CDC42BPB: variants seen among roughly 807,000 people sequenced by gnomAD.
The protein encoded by CDC42BPB is serine/threonine-protein kinase MRCK beta.
Under a neutral mutation model 214.9 loss-of-function variants are expected in CDC42BPB, and 37 were observed. The ratio of observed to expected loss-of-function variants is 0.17; its 90% confidence interval spans 0.13 to 0.23. The LOEUF (loss-of-function observed/expected upper bound fraction) is 0.23. Among genes scored for constraint, CDC42BPB ranks in the 10% least tolerant of loss-of-function variants. CDC42BPB has a pLI of 1.00. For missense variants in CDC42BPB, 1,694 were observed against 2,227.0 expected (o/e 0.76, Z 4.82); for synonymous variants, 931 against 884.0 (o/e 1.05, Z -0.94).
intron 4 of CDC42BPB, among the ~76,000 whole-genome samples, chr14:103,000,760 C>G (rs1894940990): frequency 6.6e-6 from 1 of 152,212 alleles, no homozygotes; most frequent in South Asian, 2.1e-4. Flanking sequence ...ACCATGAAGG[C>G]CCACGCTCGG....
chr14:103,045,420 G>A (rs1340659901), intron 1 of CDC42BPB, among the ~76,000 whole-genome samples: 1 of 152,138 alleles, frequency 6.6e-6, no homozygotes, highest in Admixed American at 6.5e-5. Flanking sequence ...GCTGTGAACA[G>A]CCCCACATCA....
chr14:102,945,773 A>G, intron 28 of CDC42BPB, 49 bp from the exon 29 acceptor site: 2 of 1,556,108 alleles, frequency 1.3e-6, no homozygotes. Context: ...CCGACCGTGA[A>G]CAATATGGGT....
At chr14:103,023,909 C>G (rs924019489) in intron 1 of CDC42BPB, among the ~76,000 whole-genome samples, 2 of 152,170 alleles carry the variant, frequency 1.3e-5, no homozygotes, top group African/African-American at 4.8e-5. Context: ...AATCTAGTCC[C>G]AGAGGGAGCC....
Position 102,940,272 on chromosome 14 carries a change from A to G in CDC42BPB, c.4461T>C (p.Phe1487=), listed in dbSNP as rs1891832681. Residue 1487 remains phenylalanine, a synonymous_variant, in exon 31 of 37, where the codon TTT becomes TTC. Transcript: ENST00000361246. The part of the protein sequence containing the change: ...TVYSEYGVDV[F]DVRTMEWVQT... ...GCACCCACTCCATGGTGCGCACATC[A>G]AAGACGTCCACGCCATACTCGCTGT... The G allele has an allele frequency of 6.3e-7, 1 of 1,595,618 alleles. No individual in the cohort carries two copies. The highest frequency in any genetic ancestry group is 1.1e-5 in the South Asian group (1 of 88,724).
intron 8 of CDC42BPB, among the ~76,000 whole-genome samples, chr14:102,980,008 C>T (rs760037756): frequency 2.0e-4 from 31 of 152,148 alleles, no homozygotes; most frequent in Admixed American, 3.3e-4. Flanking sequence ...AGACACAAAG[C>T]GCTGTAATGT....
chr14:103,002,965 G>C (rs1228860488), intron 4 of CDC42BPB, among the ~76,000 whole-genome samples: 1 of 152,154 alleles, frequency 6.6e-6, no homozygotes, highest in South Asian at 2.1e-4. Context: ...CCTTTAGGGT[G>C]AATGGAAGGA....
intron 7 of CDC42BPB, among the ~76,000 whole-genome samples, chr14:102,983,296 CCT>C (rs1307025906): frequency 2.6e-5 from 4 of 152,142 alleles, no homozygotes; most frequent in African/African-American, 7.2e-5. Flanking sequence ...GCGTCCTTCC[CCT>C]GAGAGTGGGG....
At chr14:103,038,294 C>A (rs1332144616) in intron 1 of CDC42BPB, among the ~76,000 whole-genome samples, 1 of 148,354 alleles carries the variant, frequency 6.7e-6, no homozygotes, top group Non-Finnish European at 1.5e-5. Flanking sequence ...GCCGAGATCA[C>A]ACCACTGCAC....
chr14:103,018,887 T>C (rs1024968685), intron 1 of CDC42BPB, among the ~76,000 whole-genome samples: 1 of 152,182 alleles, frequency 6.6e-6, no homozygotes, highest in African/African-American at 2.4e-5. Context: ...AACCAGCCTG[T>C]TGTGAGGCAA....
At position 102,933,434 on chromosome 14, in the gene CDC42BPB, C is replaced by T. The variant is rs1000847181; in HGVS notation, c.*278G>A. On this transcript the variant is annotated 3_prime_UTR_variant, in exon 37 of 37. Transcript: ENST00000361246. ...GTTGGCAGGGCCCCATATGCCCTCT[C>T]GGGTTGTCAGGGGTGGGAGACAGGC... 3.3e-5 allele frequency: 11 copies of T among 329,206 alleles called. No homozygotes were observed. The highest frequency in any genetic ancestry group is 2.0e-4 in the Admixed American group (4 of 20,170). The allele number at this position is 329,206 out of a possible 1,614,324, so 20.4% of individuals were successfully genotyped here.
intron 36 of CDC42BPB, among the ~76,000 whole-genome samples, chr14:102,936,272 GCACT>G (rs1235918901): frequency 6.6e-6 from 1 of 152,148 alleles, no homozygotes; most frequent in Non-Finnish European, 1.5e-5. Flanking sequence ...GTGAAAACAG[GCACT>G]CAAACACATA....
intron 7 of CDC42BPB, chr14:102,981,255 A>T (rs1219308869): frequency 3.3e-6 from 3 of 896,720 alleles, no homozygotes; most frequent in African/African-American, 1.8e-5. Context: ...TGTAAATGAC[A>T]CATTTTACCT....
At position 102,980,585 on chromosome 14, in the gene CDC42BPB, T is replaced by C. The variant is rs35939989; in HGVS notation, c.1140+188A>G. ...GCTGTTTAACTGAATTTTACTCAAA[T>C]TGAGTCATCCATCATTTTTTAAAGG... On this transcript the variant is annotated intron_variant, in intron 8 of 36. Transcript: ENST00000361246. Among the ~76,000 whole-genome samples the C allele has an allele frequency of 1.5e-3, 231 of 152,298 alleles. 8 individuals carry two copies. The East Asian group carries it at 0.035, about 23-fold the overall frequency.
intron 24 of CDC42BPB, among the ~76,000 whole-genome samples, chr14:102,952,040 GA>G (rs1233483888): frequency 5.3e-5 from 8 of 152,214 alleles, no homozygotes; most frequent in Admixed American, 4.6e-4. Flanking sequence ...GACCTTTACT[GA>G]GGATTTGTAA....
At chr14:103,037,432 T>G (rs1456602028) in intron 1 of CDC42BPB, among the ~76,000 whole-genome samples, 1 of 152,168 alleles carries the variant, frequency 6.6e-6, no homozygotes, top group African/African-American at 2.4e-5. Flanking sequence ...CAGCCGGGAT[T>G]ACAGGTGTGC....
chr14:102,986,247 C>T (rs1219226110), intron 6 of CDC42BPB: 6 of 414,956 alleles, frequency 1.4e-5, no homozygotes, highest in South Asian at 1.0e-4. Flanking sequence ...TGACAACTCC[C>T]ATTCTGGAAG....
intron 8 of CDC42BPB, among the ~76,000 whole-genome samples, chr14:102,978,842 A>G (rs1893873286): frequency 6.6e-6 from 1 of 152,132 alleles, no homozygotes; most frequent in African/African-American, 2.4e-5. Context: ...CCCCGTCTCT[A>G]CTAAAAATAC....
intron 30 of CDC42BPB, among the ~76,000 whole-genome samples, chr14:102,942,143 G>GT (rs914547021): frequency 5.9e-5 from 9 of 152,196 alleles, no homozygotes; most frequent in African/African-American, 2.2e-4. Context: ...GTGTTGGGGG[G>GT]TAAGAGTCCA....
Position 102,943,912 on chromosome 14 carries a change from G to A in CDC42BPB, c.4387C>T (p.Pro1463Ser), listed in dbSNP as rs770334280. The change falls in exon 30 of 37, where the codon CCT (proline) becomes TCT (serine). Residue 1463 changes from proline to serine, a missense_variant. Pro to Ser is a moderately conservative substitution (Grantham distance 74). Coordinates refer to ENST00000361246, the MANE Select transcript of CDC42BPB (RefSeq NM_006035.4). This position sits in a 1 kb window ranked among gnomAD's most constrained non-coding sequence, Gnocchi z 4.6. The stretch of plus-strand genomic sequence containing the variant: ...ATACTACAGGCGACAGGAGCCGCAG[G>A]CCACATGAGCTCCTGCGCGCGTGCC... ...RRARAQELMW[P>S]AAPVACSCSP... 2 of 1,610,054 alleles carry A rather than the reference G, an allele frequency of 1.2e-6. No homozygotes were observed. Among genetic ancestry groups the A allele is most frequent in the Non-Finnish European group, 1.7e-6 (2 of 1,178,618 alleles).
Sources: gnomAD v4.1 joint callset for allele counts (sites outside exome capture counted in the v4.1 genomes callset) on GRCh38, gnomAD v4.1.1 for gene constraint, Gnocchi (gnomAD v3.1) non-coding constraint, MANE v1.5 for transcripts, NCBI Gene and HGNC (gene_info 2026-07-23, HGNC 2026-07-21) for gene names.